Variants in NPAS3 observed in about 807,000 individuals in gnomAD.
NPAS3 encodes neuronal PAS domain protein 3, also known as neuronal PAS domain-containing protein 3.
Under a neutral mutation model 73.1 loss-of-function variants are expected in NPAS3, and 14 were observed. The ratio of observed to expected loss-of-function variants is 0.19; its 90% CI spans 0.13 to 0.30. NPAS3 has a LOEUF of 0.30. NPAS3 is among the 10% of genes least tolerant of loss of function. NPAS3 has a pLI of 1.00. For synonymous variants in NPAS3, 620 were observed against 541.5 expected (o/e 1.14, Z -2.01); for missense variants, 1,096 against 1,250.0 (o/e 0.88, Z 1.86).
chr14:32,964,160 TAAAAA>T (rs34380538), intron 1 of NPAS3, among the ~76,000 whole-genome samples: 11 of 75,442 alleles, frequency 1.5e-4, no homozygotes, highest in South Asian at 7.8e-4. Flanking sequence ...TTTGCTGCAC[TAAAAA>T]AAAAAAAAAA....
intron 1 of NPAS3, among the ~76,000 whole-genome samples, chr14:33,019,481 C>T (rs1361488806): frequency 6.6e-6 from 1 of 151,832 alleles, no homozygotes; most frequent in African/African-American, 2.4e-5. Flanking sequence ...TAGCCTATGG[C>T]TTTAAAAAAA....
Position 33,364,451 on chromosome 14 carries a change from T to C in NPAS3, c.386-2735T>C, listed in dbSNP as rs190090189. On this transcript the variant is annotated intron_variant, in intron 3 of 11. Transcript: ENST00000356141. ...GGACATAATGGGCTCCTGTTTAACA[T>C]ATTTATGTTGGTTGTAAAATTAGGA... Among the ~76,000 whole-genome samples the C allele has an allele frequency of 1.2e-4, 18 of 152,310 alleles. No homozygotes were observed. The East Asian group carries it at 3.1e-3, about 26-fold the overall frequency.
At chr14:33,563,613 G>A in intron 5 of NPAS3, among the ~76,000 whole-genome samples, 1 of 151,568 alleles carries the variant, frequency 6.6e-6, no homozygotes, top group Non-Finnish European at 1.5e-5. Context: ...CTGGTTTCAG[G>A]TTATAGAAGT....
At chr14:33,738,985 A>G (rs1223793645) in intron 7 of NPAS3, among the ~76,000 whole-genome samples, 1 of 152,190 alleles carries the variant, frequency 6.6e-6, no homozygotes, top group African/African-American at 2.4e-5. Context: ...TTCCTTTGGC[A>G]TGGGACTTTC....
At chr14:33,182,883 A>G (rs959270829) in intron 2 of NPAS3, among the ~76,000 whole-genome samples, 13 of 152,162 alleles carry the variant, frequency 8.5e-5, no homozygotes, top group African/African-American at 3.1e-4. Flanking sequence ...TATAGTACCC[A>G]GGCTTCGTTC....
At chr14:33,138,712 C>T (rs1468116931) in intron 2 of NPAS3, among the ~76,000 whole-genome samples, 7 of 152,116 alleles carry the variant, frequency 4.6e-5, no homozygotes, top group African/African-American at 1.2e-4. Flanking sequence ...CCAGTGATCT[C>T]ATGTGTGCTG....
chr14:33,447,427 C>T (rs1161136395), intron 4 of NPAS3, among the ~76,000 whole-genome samples: 6 of 151,980 alleles, frequency 3.9e-5, no homozygotes, highest in East Asian at 1.9e-4. Flanking sequence ...AGAAGAGTGC[C>T]GGCATAACAT....
At chr14:33,300,767 C>A (rs190124496) in intron 3 of NPAS3, among the ~76,000 whole-genome samples, 29 of 152,172 alleles carry the variant, frequency 1.9e-4, no homozygotes, top group African/African-American at 4.6e-4. Context: ...CTCCCAGGAT[C>A]CCCCATGGAG....
At chr14:33,546,085 TAGTG>T (rs1301196042) in intron 4 of NPAS3, among the ~76,000 whole-genome samples, 1 of 152,138 alleles carries the variant, frequency 6.6e-6, no homozygotes, top group Admixed American at 6.5e-5. Context: ...CCACACCTCT[TAGTG>T]AGGCCAGGAG....
chr14:33,143,633 A>G (rs2044138732), intron 2 of NPAS3, among the ~76,000 whole-genome samples: 1 of 152,200 alleles, frequency 6.6e-6, no homozygotes, highest in Non-Finnish European at 1.5e-5. Flanking sequence ...TATACTCACA[A>G]TGTTGTACAA....
At chr14:33,083,609 C>A (rs1238088048) in intron 2 of NPAS3, among the ~76,000 whole-genome samples, 2 of 152,168 alleles carry the variant, frequency 1.3e-5, no homozygotes, top group Non-Finnish European at 2.9e-5. Flanking sequence ...AAATTCTATG[C>A]TCTATTTTAT....
intron 7 of NPAS3, among the ~76,000 whole-genome samples, chr14:33,740,274 T>C (rs940017470): frequency 2.0e-5 from 3 of 152,180 alleles, no homozygotes; most frequent in African/African-American, 7.2e-5. Flanking sequence ...AAATACAAAT[T>C]GACTTATCTA....
chr14:33,542,053 C>T (rs1157366489), intron 4 of NPAS3, among the ~76,000 whole-genome samples: 1 of 152,162 alleles, frequency 6.6e-6, no homozygotes, highest in Non-Finnish European at 1.5e-5. Context: ...GAAGAGCTTG[C>T]TTGGTACCAT....
chr14:33,282,805 T>C (rs955420633), intron 3 of NPAS3, among the ~76,000 whole-genome samples: 3 of 152,184 alleles, frequency 2.0e-5, no homozygotes, highest in Non-Finnish European at 4.4e-5. Flanking sequence ...TCAGTCCATC[T>C]GAATGGATAA....
rs147160096 is a variant in NPAS3, at chr14:33,626,754, T to G, written c.559-49457T>G. Among the ~76,000 whole-genome samples the G allele has an allele frequency of 2.5e-3, 373 of 152,240 alleles. 3 individuals are homozygous for G. Among genetic ancestry groups the G allele is most frequent in the African/African-American group, 8.5e-3 (355 of 41,544 alleles). On this transcript the variant is annotated intron_variant, in intron 5 of 11. Coordinates refer to ENST00000356141, the Ensembl canonical transcript of NPAS3. ...GAGTTTATATTCCAGTGGAGGGAGA[T>G]AGATAGACAATAAGTAGAAAAGAAA...
intron 1 of NPAS3, among the ~76,000 whole-genome samples, chr14:32,998,274 C>A (rs938669067): frequency 2.6e-5 from 4 of 152,150 alleles, no homozygotes; most frequent in Admixed American, 1.3e-4. Context: ...AAGCCAGAAA[C>A]AAAAGGTCAC....
intron 3 of NPAS3, among the ~76,000 whole-genome samples, chr14:33,245,472 A>G (rs527540313): frequency 1.3e-5 from 2 of 152,188 alleles, no homozygotes; most frequent in African/African-American, 4.8e-5. Flanking sequence ...TCAATCAGAT[A>G]GGTGCTTCCT....
At chr14:33,377,171 T>C (rs747105923) in intron 4 of NPAS3, among the ~76,000 whole-genome samples, 1 of 152,244 alleles carries the variant, frequency 6.6e-6, no homozygotes, top group Non-Finnish European at 1.5e-5. Flanking sequence ...AATGTATTTT[T>C]ACCTTGAGAA....
chr14:33,027,258 A>G (rs532406213), intron 1 of NPAS3, among the ~76,000 whole-genome samples: 5 of 152,296 alleles, frequency 3.3e-5, no homozygotes, highest in Admixed American at 1.3e-4. Context: ...AGGAGTTTAC[A>G]TAGATGGAAA....
Sources: allele counts gnomAD v4.1 joint callset (sites outside exome capture counted in the v4.1 genomes callset), GRCh38; gene constraint gnomAD v4.1.1; transcripts MANE v1.5; gene names NCBI Gene and HGNC (gene_info 2026-07-23, HGNC 2026-07-21).